Variants in SPMAP2L observed in about 807,000 individuals in gnomAD.
SPMAP2L encodes sperm microtubule associated protein 2 like.
At chr4:56,596,363 G>A in the SPMAP2L span, 4 of 760,792 alleles carry the variant, frequency 5.3e-6, no homozygotes, top group South Asian at 1.2e-4. Flanking sequence ...GTGATTATAG[G>A]TTACTGCAAG....
chr4:56,623,069 C>T, the SPMAP2L span, among the ~76,000 whole-genome samples: 1 of 152,202 alleles, frequency 6.6e-6, no homozygotes, highest in South Asian at 2.1e-4. Flanking sequence ...CCCTTTGGGT[C>T]CTCCAGCTTC....
the SPMAP2L span, among the ~76,000 whole-genome samples, chr4:56,589,335 G>A: frequency 6.6e-6 from 1 of 152,186 alleles, no homozygotes; most frequent in Admixed American, 6.5e-5. Context: ...GGTGACTACG[G>A]CCTTATAGTA....
the SPMAP2L span, among the ~76,000 whole-genome samples, chr4:56,562,783 C>T: frequency 1.2e-4 from 2 of 16,458 alleles, no homozygotes; most frequent in African/African-American, 2.1e-4. Context: ...ATATTTTCTT[C>T]GTCTTTTTTT....
At chr4:56,581,140 C>A in the SPMAP2L span, among the ~76,000 whole-genome samples, 4 of 151,790 alleles carry the variant, frequency 2.6e-5, no homozygotes, top group African/African-American at 7.3e-5. Flanking sequence ...CATAATGAGA[C>A]CTCATTTTCT....
the SPMAP2L span, chr4:56,603,566 C>T: frequency 1.2e-5 from 4 of 347,322 alleles, no homozygotes; most frequent in African/African-American, 6.2e-5. Flanking sequence ...GAGACTGCCT[C>T]ATTATCCTTA....
the SPMAP2L span, chr4:56,552,703 A>G: frequency 1.3e-6 from 1 of 748,402 alleles, no homozygotes; most frequent in Non-Finnish European, 2.3e-6. Flanking sequence ...CCTCTACTTA[A>G]CTAGATCCTC....
the SPMAP2L span, chr4:56,595,153 G>A: frequency 3.1e-6 from 5 of 1,611,556 alleles, no homozygotes; most frequent in South Asian, 3.3e-5. Flanking sequence ...CACGGAAACT[G>A]CGATATTAAA....
chr4:56,561,197 A>AT, the SPMAP2L span, among the ~76,000 whole-genome samples: 2 of 152,152 alleles, frequency 1.3e-5, no homozygotes, highest in Non-Finnish European at 2.9e-5. Context: ...AGATCACTTC[A>AT]TTTTTTTGAA....
chr4:56,616,481 T>C, the SPMAP2L span, among the ~76,000 whole-genome samples: 1 of 152,200 alleles, frequency 6.6e-6, no homozygotes, highest in Non-Finnish European at 1.5e-5. Context: ...CCCCACCACC[T>C]TGAGTAGCAA....
the SPMAP2L span, chr4:56,575,514 C>G: frequency 3.3e-6 from 5 of 1,535,356 alleles, no homozygotes; most frequent in Admixed American, 7.8e-5. Flanking sequence ...GGGCTCAATA[C>G]TACCACAGCT....
chr4:56,543,696 A>AT, the SPMAP2L span, among the ~76,000 whole-genome samples: 2 of 152,082 alleles, frequency 1.3e-5, no homozygotes, highest in Non-Finnish European at 2.9e-5. Flanking sequence ...TCTCAAATAA[A>AT]TAAATAAATA....
the SPMAP2L span, among the ~76,000 whole-genome samples, chr4:56,600,097 CTTTTTTTTTTTTTT>C: frequency 2.3e-5 from 2 of 87,804 alleles, no homozygotes; most frequent in African/African-American, 5.1e-5. Flanking sequence ...TCTTTGCTTT[CTTTTTTTTTTTTTT>C]TTTTTTTTTT....
the SPMAP2L span, chr4:56,595,374 G>A: frequency 6.2e-7 from 1 of 1,604,022 alleles, no homozygotes; most frequent in South Asian, 1.1e-5. Flanking sequence ...TCATGGTTGA[G>A]CCCACTGAGT....
the SPMAP2L span, among the ~76,000 whole-genome samples, chr4:56,564,383 A>G: frequency 6.6e-6 from 1 of 151,998 alleles, no homozygotes; most frequent in South Asian, 2.1e-4. Context: ...CAAGTGATCC[A>G]CCCACCTTGG....
At chr4:56,615,658 G>A in the SPMAP2L span, among the ~76,000 whole-genome samples, 2 of 152,184 alleles carry the variant, frequency 1.3e-5, no homozygotes, top group Non-Finnish European at 2.9e-5. Context: ...TGAGGCAGGA[G>A]AATTGCTTGG....
the SPMAP2L span, among the ~76,000 whole-genome samples, chr4:56,552,174 G>T: frequency 6.6e-6 from 1 of 152,186 alleles, no homozygotes; most frequent in African/African-American, 2.4e-5. Context: ...CAGATATTCT[G>T]TCTGAAATTT....
the SPMAP2L span, among the ~76,000 whole-genome samples, chr4:56,552,886 T>A: frequency 6.6e-6 from 1 of 152,118 alleles, no homozygotes; most frequent in Non-Finnish European, 1.5e-5. Context: ...ACTTGGGGAG[T>A]TAAAAGCTCC....
the SPMAP2L span, among the ~76,000 whole-genome samples, chr4:56,606,009 C>T: frequency 3.9e-5 from 6 of 152,182 alleles, no homozygotes; most frequent in African/African-American, 1.4e-4. Context: ...ATTTGAGTCC[C>T]CCTCCCCTTC....
the SPMAP2L span, chr4:56,584,471 T>C: frequency 7.0e-7 from 1 of 1,424,000 alleles, no homozygotes; most frequent in Middle Eastern, 1.7e-4. Context: ...ACAGTTATAA[T>C]ATTTCATGTT....
Sources: gnomAD v4.1 joint callset for allele counts (sites outside exome capture counted in the v4.1 genomes callset) on GRCh38, gnomAD v4.1.1 for gene constraint, MANE v1.5 for transcripts, NCBI Gene and HGNC (gene_info 2026-07-23, HGNC 2026-07-21) for gene names.